The following TRAPPC8 variants were observed in gnomAD, a reference collection of about 807,000 sequenced individuals.
The protein encoded by TRAPPC8 is general sporulation gene 1 homolog.
In TRAPPC8, 54 loss-of-function variants were observed where a neutral mutation model predicts 174.3. The ratio of observed to expected loss-of-function variants is 0.31; its 90% CI spans 0.25 to 0.39. The LOEUF is 0.39. TRAPPC8 is among the 10% of genes least tolerant of loss of function. The pLI is 1.00. For synonymous variants in TRAPPC8, 630 were observed against 579.9 expected, an observed-to-expected ratio of 1.09 and a Z score of -1.24; for missense variants, 1,531 against 1,699.1, an observed-to-expected ratio of 0.90 and a Z score of 1.74.
chr18:31,852,404 AC>A (rs3841748), intron 24 of TRAPPC8, 41 bp downstream of exon 24: 445,810 of 1,607,228 alleles, frequency 0.28, 67,102 homozygotes, highest in South Asian at 0.52. Context: ...ATATGCTATA[AC>A]TATGACTTAA....
intron 12 of TRAPPC8, among the ~76,000 whole-genome samples, chr18:31,880,081 G>GA (rs749972515): frequency 0.02 from 1,023 of 52,016 alleles, 5 homozygotes; most frequent in Non-Finnish European, 0.026. Context: ...TGAAACTATT[G>GA]AAAAAAAAAA....
At chr18:31,927,817 G>C (rs2037682305) in intron 2 of TRAPPC8, among the ~76,000 whole-genome samples, 1 of 152,190 alleles carries the variant, frequency 6.6e-6, no homozygotes, top group African/African-American at 2.4e-5. Context: ...TCAGCACTTT[G>C]AGAGGTGGCT....
intron 27 of TRAPPC8, among the ~76,000 whole-genome samples, chr18:31,835,462 C>T (rs1275596517): frequency 6.6e-6 from 1 of 152,184 alleles, no homozygotes; most frequent in Non-Finnish European, 1.5e-5. Flanking sequence ...GACCTATCAT[C>T]TCCATAATCT....
At chr18:31,837,155 A>G (rs543457589) in intron 27 of TRAPPC8, among the ~76,000 whole-genome samples, 1 of 152,234 alleles carries the variant, frequency 6.6e-6, no homozygotes, top group African/African-American at 2.4e-5. Flanking sequence ...CAACATTAAG[A>G]CCATGACAAA....
chr18:31,922,473 G>T (rs756364267), intron 2 of TRAPPC8, among the ~76,000 whole-genome samples: 58 of 151,780 alleles, frequency 3.8e-4, no homozygotes, highest in African/African-American at 1.3e-3. Context: ...AGGCTGTAGC[G>T]CTGGCTACTC....
intron 28 of TRAPPC8, 109 bp downstream of exon 28, chr18:31,831,975 C>G (rs1029640605): frequency 1.5e-6 from 1 of 684,494 alleles, no homozygotes; most frequent in Admixed American, 3.9e-5. Context: ...AACAAAAAAC[C>G]AGGACAAGCT....
At chr18:31,900,048 G>C (rs112459843) in intron 10 of TRAPPC8, among the ~76,000 whole-genome samples, 1 of 151,888 alleles carries the variant, frequency 6.6e-6, no homozygotes, top group East Asian at 1.9e-4. Flanking sequence ...GACCAGCCTG[G>C]CAAACATGGT....
intron 2 of TRAPPC8, among the ~76,000 whole-genome samples, chr18:31,919,754 G>A (rs545965935): frequency 4.0e-5 from 6 of 151,692 alleles, no homozygotes; most frequent in Admixed American, 6.6e-5. Context: ...CCAGCTACTC[G>A]AGAGGCTGAG....
chr18:31,903,407 C>T (rs1023663077), intron 9 of TRAPPC8, among the ~76,000 whole-genome samples: 2 of 152,044 alleles, frequency 1.3e-5, no homozygotes, highest in Non-Finnish European at 2.9e-5. Flanking sequence ...TCAAAAAAAC[C>T]TAGTAAACAC....
At chr18:31,926,464 T>G (rs1239070971) in intron 2 of TRAPPC8, 2 of 113,418 alleles carry the variant, frequency 1.8e-5, no homozygotes, top group South Asian at 3.6e-4. Flanking sequence ...GCAAGATGTT[T>G]TGTTTTGGTT....
intron 26 of TRAPPC8, among the ~76,000 whole-genome samples, chr18:31,840,113 C>A (rs888988957): frequency 1.3e-5 from 2 of 152,134 alleles, no homozygotes; most frequent in African/African-American, 4.8e-5. Context: ...AATCCCAGCA[C>A]TTTGGGAGGC....
At chr18:31,916,562 T>A in intron 3 of TRAPPC8, 116 bp from the exon 4 acceptor site, 1 of 1,096,018 alleles carries the variant, frequency 9.1e-7, no homozygotes, top group Non-Finnish European at 1.3e-6. Flanking sequence ...AGACAAAGTC[T>A]CACTCTGTAG....
intron 2 of TRAPPC8, among the ~76,000 whole-genome samples, chr18:31,927,729 TG>T (rs2037678312): frequency 1.3e-5 from 2 of 152,186 alleles, no homozygotes; most frequent in Admixed American, 6.5e-5. Flanking sequence ...AACAGGTATA[TG>T]GGCTTTGGAG....
intron 5 of TRAPPC8, among the ~76,000 whole-genome samples, chr18:31,912,185 A>G (rs968872870): frequency 6.6e-6 from 1 of 152,128 alleles, no homozygotes; most frequent in Non-Finnish European, 1.5e-5. Flanking sequence ...TGGCTATAAA[A>G]GCATGTTAAA....
At chr18:31,909,414 G>T in intron 6 of TRAPPC8, 1 of 248,392 alleles carries the variant, frequency 4.0e-6, no homozygotes, top group Non-Finnish European at 6.4e-6. Context: ...TTAATGCTGT[G>T]CATCACATCT....
rs2034801431 is a variant in TRAPPC8 at position 31,870,484 on chromosome 18, A to G, written c.2276T>C (p.Val759Ala). ...AVVEEPITVE[V>A]AFRNPLKVLL... is the part of the protein sequence containing the mutation. ...AACTTTCAAAGGGTTTCTAAAAGCCACTTCCACTGTAATTGGTTCTATTAA... is the reference window on the plus strand; with the variant it reads ...AACTTTCAAAGGGTTTCTAAAAGCCGCTTCCACTGTAATTGGTTCTATTAA... The change falls in exon 16 of 29, where the codon GTG (valine) becomes GCG (alanine). Residue 759 changes from valine (V) to alanine (A), a missense_variant. Physicochemically the swap from Val to Ala is moderately conservative, Grantham distance 64 (BLOSUM62 0). Coordinates refer to ENST00000283351, the MANE Select transcript of TRAPPC8 (RefSeq NM_014939.5). The G allele has an allele frequency of 6.2e-7, 1 of 1,611,650 alleles. No homozygotes were observed. Among genetic ancestry groups the G allele is most frequent in the Admixed American group, 1.7e-5 (1 of 59,592 alleles).
chr18:31,900,105 G>A lies in TRAPPC8; in HGVS notation c.1490+820C>T, dbSNP rs142416339. Among the ~76,000 whole-genome samples the A allele has an allele frequency of 1.3e-3, 197 of 152,070 alleles. 4 individuals carry two copies. In the East Asian group the frequency reaches 0.026, roughly 20 times the overall value. On this transcript the variant is annotated intron_variant, in intron 10 of 28. Transcript: ENST00000283351. Reference sequence around the variant, plus strand: ...ACAAAATAGCCAGGCATGGTGGCGCGCACCTGTAATCCCAGCTACTCCAAA... The same window carrying A: ...ACAAAATAGCCAGGCATGGTGGCGCACACCTGTAATCCCAGCTACTCCAAA...
At chr18:31,925,810 GA>G (rs141244618) in intron 2 of TRAPPC8, among the ~76,000 whole-genome samples, 254 of 152,274 alleles carry the variant, frequency 1.7e-3, no homozygotes, top group Non-Finnish European at 3.1e-3. Flanking sequence ...GAAGCTAAAA[GA>G]AAGTGGATCA....
At chr18:31,839,498 A>G in intron 26 of TRAPPC8, 41 bp from the exon 27 acceptor site, 1 of 1,517,820 alleles carries the variant, frequency 6.6e-7, no homozygotes, top group Non-Finnish European at 8.8e-7. Context: ...TAAAAACACT[A>G]CCTTGTTTAA....
Sources: allele counts gnomAD v4.1 joint callset (sites outside exome capture counted in the v4.1 genomes callset), GRCh38; gene constraint gnomAD v4.1.1; transcripts MANE v1.5; gene names NCBI Gene and HGNC (gene_info 2026-07-23, HGNC 2026-07-21).